MTSS1: variants seen among roughly 807,000 people sequenced by gnomAD.
MTSS1 encodes the protein protein MTSS 1.
In MTSS1, 18 loss-of-function variants were observed where a neutral mutation model predicts 79.0. The observed-to-expected ratio is 0.23, with a 90% CI of 0.16 to 0.34. The LOEUF (loss-of-function observed/expected upper bound fraction) is 0.34. Among genes scored for constraint, MTSS1 ranks in the 10% least tolerant of loss-of-function variants. The pLI, the probability that MTSS1 is intolerant of heterozygous loss-of-function variation, is 1.00. For synonymous variants in MTSS1, 341 were observed against 368.6 expected, an observed-to-expected ratio of 0.93 and a Z score of 0.86; for missense variants, 815 against 986.2, an observed-to-expected ratio of 0.83 and a Z score of 2.33.
At chr8:124,709,606 C>T (rs1830869638) in intron 1 of MTSS1, among the ~76,000 whole-genome samples, 1 of 152,150 alleles carries the variant, frequency 6.6e-6, no homozygotes, top group Non-Finnish European at 1.5e-5. Flanking sequence ...GCAGTGCGTT[C>T]GTTGAAAATA....
intron 3 of MTSS1, among the ~76,000 whole-genome samples, chr8:124,659,333 T>C (rs140365368): frequency 0.023 from 3,550 of 152,312 alleles, 54 homozygotes; most frequent in South Asian, 0.073. Context: ...GAATTTATAG[T>C]TTATTAAGTT....
At chr8:124,561,766 T>C (rs1825382211) in intron 10 of MTSS1, among the ~76,000 whole-genome samples, 1 of 152,044 alleles carries the variant, frequency 6.6e-6, no homozygotes, top group South Asian at 2.1e-4. Context: ...ACATATGGTT[T>C]AGTGAAGCAC....
At position 124,683,516 on chromosome 8, in the gene MTSS1, C is replaced by A. The variant is rs1465522379; in HGVS notation, c.208+16010G>T. ...CACCCTGGAAAGGAACTCAGAAACA[C>A]AGGTGTCTCTCCAGACTAGAAAACC... On this transcript the variant is annotated intron_variant, in intron 3 of 13. Coordinates refer to ENST00000518547, the MANE Select transcript of MTSS1 (RefSeq NM_014751.6). This position sits in a 1 kb window ranked among gnomAD's most constrained non-coding sequence, Gnocchi z 4.5. Among the ~76,000 whole-genome samples, 3 of 152,206 alleles carry A rather than the reference C, an allele frequency of 2.0e-5. No homozygotes were observed. The highest frequency in any genetic ancestry group is 6.5e-5 in the Admixed American group (1 of 15,288).
At chr8:124,663,047 C>A (rs1462563334) in intron 3 of MTSS1, among the ~76,000 whole-genome samples, 1 of 152,150 alleles carries the variant, frequency 6.6e-6, no homozygotes, top group East Asian at 1.9e-4. Flanking sequence ...CCACTCCCCA[C>A]CCAACGCTGA....
chr8:124,628,923 C>G (rs931402886), intron 3 of MTSS1, among the ~76,000 whole-genome samples: 1 of 152,052 alleles, frequency 6.6e-6, no homozygotes, highest in Non-Finnish European at 1.5e-5. Context: ...CACAGCAGAC[C>G]CTGAAAGTAA....
intron 1 of MTSS1, among the ~76,000 whole-genome samples, chr8:124,705,832 T>G (rs1324672487): frequency 2.0e-5 from 3 of 152,226 alleles, no homozygotes. Context: ...GGGGCTGTCC[T>G]GCACATTTAA....
At chr8:124,618,879 C>G (rs1362828543) in intron 3 of MTSS1, among the ~76,000 whole-genome samples, 8 of 152,232 alleles carry the variant, frequency 5.3e-5, no homozygotes, top group Non-Finnish European at 1.2e-4. Context: ...TTTTGCACAT[C>G]CTCAGTGTCA....
chr8:124,727,872 C>T lies in MTSS1; in HGVS notation c.72+12G>A. ...GGCGGCCGGCGCCGCAGCCGCACCC[C>T]CGGCGTCCTACCTTCATGTCGCTGA... On this transcript the variant is annotated intron_variant, in intron 1 of 13. Coordinates refer to ENST00000518547, the MANE Select transcript of MTSS1 (RefSeq NM_014751.6). The surrounding 1 kb of genome is among the most constrained non-coding windows in gnomAD (Gnocchi z 4.7). The T allele has an allele frequency of 1.3e-6, 2 of 1,583,532 alleles. No individual in the cohort carries two copies. The highest frequency in any genetic ancestry group is 8.6e-7 in the Non-Finnish European group (1 of 1,168,950).
At chr8:124,558,560 C>G (rs1824533014) in intron 10 of MTSS1, among the ~76,000 whole-genome samples, 1 of 152,182 alleles carries the variant, frequency 6.6e-6, no homozygotes. Context: ...AGAAAATGCC[C>G]TCAGCCTTGT....
intron 8 of MTSS1, 69 bp downstream of exon 8, chr8:124,567,002 G>T: frequency 8.3e-7 from 1 of 1,197,808 alleles, no homozygotes; most frequent in Non-Finnish European, 1.2e-6. Flanking sequence ...CATGCCACAG[G>T]AACACTCAGG....
chr8:124,581,308 T>A (rs944687558), intron 6 of MTSS1, among the ~76,000 whole-genome samples: 18 of 135,566 alleles, frequency 1.3e-4, no homozygotes, highest in Middle Eastern at 3.8e-3. Flanking sequence ...AAAAAAAAAA[T>A]CAAGACTTCT....
At chr8:124,658,554 A>C (rs1053120632) in intron 3 of MTSS1, among the ~76,000 whole-genome samples, 4 of 152,220 alleles carry the variant, frequency 2.6e-5, no homozygotes, top group Non-Finnish European at 4.4e-5. Context: ...GCAGTTCCAC[A>C]GGCTGTACAG....
chr8:124,599,686 G>A (rs1833434176), intron 3 of MTSS1, among the ~76,000 whole-genome samples: 1 of 151,950 alleles, frequency 6.6e-6, no homozygotes, highest in African/African-American at 2.4e-5. Context: ...ATTGAGGTAA[G>A]TGACCCCCTC....
intron 3 of MTSS1, among the ~76,000 whole-genome samples, chr8:124,695,335 TAA>T (rs33998723): frequency 1.4e-5 from 2 of 144,686 alleles, no homozygotes; most frequent in Admixed American, 6.9e-5. Flanking sequence ...TCAAGAGGGA[TAA>T]AAAAAAAAAA....
intron 6 of MTSS1, chr8:124,580,423 G>A: frequency 1.0e-6 from 1 of 954,220 alleles, no homozygotes; most frequent in South Asian, 1.5e-5. Flanking sequence ...AAATTAGGTA[G>A]GCACAGTTGA....
At chr8:124,563,086 G>T in intron 9 of MTSS1, 94 bp from the exon 10 acceptor site, 2 of 1,049,408 alleles carry the variant, frequency 1.9e-6, no homozygotes, top group Middle Eastern at 3.0e-4. Context: ...AACAGATGAG[G>T]CAGAAGAGAG....
chr8:124,723,675 C>T (rs1403540975), intron 1 of MTSS1, among the ~76,000 whole-genome samples: 1 of 152,216 alleles, frequency 6.6e-6, no homozygotes, highest in Non-Finnish European at 1.5e-5. Flanking sequence ...TTTATGACAT[C>T]TTTACTTCAC....
chr8:124,568,814 C>A, intron 6 of MTSS1: 1 of 1,441,290 alleles, frequency 6.9e-7, no homozygotes, highest in Non-Finnish European at 9.0e-7. Flanking sequence ...CACTGCACAA[C>A]CCCCACCAAC....
chr8:124,553,702 G>C lies in MTSS1; in HGVS notation c.1568-10C>G. 1 of 1,594,754 alleles carries C rather than the reference G, an allele frequency of 6.3e-7. No individual in the cohort carries two copies. Among genetic ancestry groups the C allele is most frequent in the Non-Finnish European group, 8.6e-7 (1 of 1,168,178 alleles). ...TAATCATAATCTGAAACTGATTATAGGATTTGATTAGACATATTCAAGACA... is the reference window on the plus strand; with the variant it reads ...TAATCATAATCTGAAACTGATTATACGATTTGATTAGACATATTCAAGACA... On this transcript the variant is annotated splice_polypyrimidine_tract_variant and intron_variant, in intron 13 of 13. Transcript: ENST00000518547. The surrounding 1 kb of genome is among the most constrained non-coding windows in gnomAD (Gnocchi z 6.0).
Sources: allele counts gnomAD v4.1 joint callset (sites outside exome capture counted in the v4.1 genomes callset), GRCh38; gene constraint gnomAD v4.1.1; non-coding constraint Gnocchi (gnomAD v3.1); transcripts MANE v1.5; gene names NCBI Gene and HGNC (gene_info 2026-07-23, HGNC 2026-07-21).